Variants in EDA observed in about 807,000 individuals in gnomAD.
The protein encoded by EDA is ectodysplasin-A.
A neutral mutation model predicts 23.6 loss-of-function variants in EDA; 2 were observed. The observed-to-expected ratio is 0.08, with a 90% CI of 0.03 to 0.27. EDA has a LOEUF of 0.27. Ranked by LOEUF, EDA falls within the 10% of genes least tolerant of loss-of-function variation. EDA has a pLI of 1.00. For synonymous variants in EDA, 131 were observed against 132.0 expected, an observed-to-expected ratio of 0.99 and a Z score of 0.05; for missense variants, 229 against 324.2, an observed-to-expected ratio of 0.71 and a Z score of 2.26.
chrX:69,617,613 A>T, intron 1 of EDA: 1 of 257,613 alleles, frequency 3.9e-6, no homozygotes, highest in Non-Finnish European at 7.2e-6. Flanking sequence ...TTTTTATTCA[A>T]GTAAATTTCG....
chrX:69,797,510 A>G (rs1015945626), intron 1 of EDA, among the ~76,000 whole-genome samples: 1 of 111,515 alleles, frequency 9.0e-6, no homozygotes, highest in Non-Finnish European at 1.9e-5. Flanking sequence ...ATTGCTGTTC[A>G]TAAAAGAAGA....
At chrX:69,912,954 G>A (rs1046030723) in intron 1 of EDA, among the ~76,000 whole-genome samples, 4 of 109,970 alleles carry the variant, frequency 3.6e-5, no homozygotes, top group African/African-American at 1.3e-4. Context: ...TTTTAGTAGG[G>A]ACAGGGTTTC....
At chrX:69,674,302 A>G (rs958326671) in intron 1 of EDA, among the ~76,000 whole-genome samples, 4 of 111,988 alleles carry the variant, frequency 3.6e-5, no homozygotes, top group Admixed American at 9.5e-5. Flanking sequence ...ATATATGCCT[A>G]TCACATAGGA....
At chrX:69,682,633 G>A (rs1451695671) in intron 1 of EDA, among the ~76,000 whole-genome samples, 1 of 112,064 alleles carries the variant, frequency 8.9e-6, no homozygotes, top group Non-Finnish European at 1.9e-5. Context: ...GGAACTCCCT[G>A]ACCCCTTGGG....
chrX:69,702,849 G>A (rs372925104), intron 1 of EDA, among the ~76,000 whole-genome samples: 2 of 111,331 alleles, frequency 1.8e-5, no homozygotes, highest in East Asian at 5.6e-4. Flanking sequence ...GTTCATTTGC[G>A]GGCCATTTGG....
At chrX:69,799,328 G>A (rs749051308) in intron 1 of EDA, among the ~76,000 whole-genome samples, 1 of 111,163 alleles carries the variant, frequency 9.0e-6, no homozygotes, top group South Asian at 3.8e-4. Flanking sequence ...AAGCAAAAAT[G>A]GACAAATAGG....
intron 1 of EDA, among the ~76,000 whole-genome samples, chrX:69,768,168 T>G (rs903682635): frequency 9.0e-6 from 1 of 111,692 alleles, no homozygotes; most frequent in Non-Finnish European, 1.9e-5. Context: ...CAGTGATGTC[T>G]TCTGAAGAGT....
intron 1 of EDA, among the ~76,000 whole-genome samples, chrX:69,934,361 A>G (rs1237223627): frequency 9.0e-6 from 1 of 111,558 alleles, no homozygotes; most frequent in East Asian, 2.8e-4. Flanking sequence ...ACAGATTTTC[A>G]ATGAATTTCT....
intron 1 of EDA, among the ~76,000 whole-genome samples, chrX:69,746,082 C>T (rs957626332): frequency 9.0e-6 from 1 of 111,502 alleles, no homozygotes; most frequent in African/African-American, 3.3e-5. Flanking sequence ...TTCCTTCCCC[C>T]ACTTATTTTC....
chrX:69,694,910 A>G (rs1049770651), intron 1 of EDA, among the ~76,000 whole-genome samples: 1 of 112,456 alleles, frequency 8.9e-6, no homozygotes, highest in African/African-American at 3.2e-5. Flanking sequence ...CTCTTTTCAC[A>G]AAGAGAGGTA....
intron 1 of EDA, among the ~76,000 whole-genome samples, chrX:69,785,868 G>A (rs1043284750): frequency 9.2e-6 from 1 of 108,888 alleles, no homozygotes; most frequent in Non-Finnish European, 1.9e-5. Flanking sequence ...AGAAGGAATG[G>A]TACCAGTTCC....
chrX:69,828,957 C>G (rs1277312053), intron 1 of EDA, among the ~76,000 whole-genome samples: 1 of 112,167 alleles, frequency 8.9e-6, no homozygotes. Flanking sequence ...ATTCATTTCT[C>G]ATCTCAAATG....
chrX:69,931,468 G>A (rs1251760152), intron 1 of EDA, among the ~76,000 whole-genome samples: 1 of 111,500 alleles, frequency 9.0e-6, no homozygotes, highest in African/African-American at 3.3e-5. Context: ...GATCACTTGA[G>A]CCCAGTTTGA....
intron 1 of EDA, among the ~76,000 whole-genome samples, chrX:69,935,992 A>G (rs2018668709): frequency 9.4e-6 from 1 of 106,675 alleles, no homozygotes; most frequent in African/African-American, 3.4e-5. Flanking sequence ...TTATTTATGT[A>G]CTCATATATA....
intron 1 of EDA, among the ~76,000 whole-genome samples, chrX:69,713,850 G>C (rs2012198303): frequency 9.1e-6 from 1 of 109,882 alleles, no homozygotes; most frequent in Non-Finnish European, 1.9e-5. Context: ...GTTTTTGTTT[G>C]AACATGTTTT....
chrX:70,005,144 A>C (rs1383035767), intron 2 of EDA, among the ~76,000 whole-genome samples: 1 of 112,135 alleles, frequency 8.9e-6, no homozygotes, highest in Non-Finnish European at 1.9e-5. Context: ...GTATAACCAG[A>C]GAACAAATAA....
In EDA at chrX:69,616,291, T is replaced by G; in HGVS notation, c.-18T>G. On this transcript the variant is annotated 5_prime_UTR_variant, in exon 1 of 8. Transcript: ENST00000374552. ...CAGCGGCTCCCGGGCCTCAAGAGAG[T>G]GGGTGTCTCCGGAGGCCATGGGCTA... The G allele has an allele frequency of 8.5e-7, 1 of 1,170,404 alleles. No individual in the cohort carries two copies. The highest frequency in any genetic ancestry group is 1.1e-6 in the Non-Finnish European group (1 of 880,364).
chrX:69,700,234 C>T (rs1240424496), intron 1 of EDA, among the ~76,000 whole-genome samples: 2 of 111,169 alleles, frequency 1.8e-5, no homozygotes, highest in Non-Finnish European at 3.8e-5. Context: ...ATACAGAGGT[C>T]ATGAGCAAGG....
intron 2 of EDA, among the ~76,000 whole-genome samples, chrX:70,009,330 A>G (rs73226474): frequency 0.18 from 19,496 of 109,885 alleles, 1,654 homozygotes; most frequent in Middle Eastern, 0.34. Flanking sequence ...TTTGTTCTTT[A>G]CTTCTAGTTT....
Sources: gnomAD v4.1 joint callset for allele counts (sites outside exome capture counted in the v4.1 genomes callset) on GRCh38, gnomAD v4.1.1 for gene constraint, MANE v1.5 for transcripts, NCBI Gene and HGNC (gene_info 2026-07-23, HGNC 2026-07-21) for gene names.